The following COL27A1 variants were observed in gnomAD, a reference collection of about 807,000 sequenced individuals.
The protein encoded by COL27A1 is collagen type XXVII alpha 1 chain.
Under a neutral mutation model 251.3 loss-of-function variants are expected in COL27A1, and 106 were observed. The ratio of observed to expected loss-of-function variants is 0.42; its 90% CI spans 0.36 to 0.50. COL27A1 has a LOEUF of 0.50. Among genes scored for constraint, COL27A1 ranks in the 20% least tolerant of loss-of-function variants. COL27A1 has a pLI of 0.00. For missense variants in COL27A1, 2,325 were observed against 2,522.8 expected (o/e 0.92, Z 1.68); for synonymous variants, 1,000 against 986.3 (o/e 1.01, Z -0.26).
chr9:114,279,380 C>G (rs1412330565), intron 37 of COL27A1, among the ~76,000 whole-genome samples: 2 of 152,126 alleles, frequency 1.3e-5, no homozygotes, highest in African/African-American at 4.8e-5. Flanking sequence ...GCACATGGCC[C>G]GTGGTGAGGG....
chr9:114,264,426 C>A lies in COL27A1; in HGVS notation c.3249+18C>A. ...GCCTGAAGGTACCGACCCCTAGGACCTGCCCTTCCTCACTCCTCCGACACT... is the reference window on the plus strand; with the variant it reads ...GCCTGAAGGTACCGACCCCTAGGACATGCCCTTCCTCACTCCTCCGACACT... On this transcript the variant is annotated intron_variant, in intron 29 of 60. Coordinates refer to ENST00000356083, the MANE Select transcript of COL27A1 (RefSeq NM_032888.4). 1.3e-6 allele frequency: 2 copies of A among 1,541,398 alleles called. No homozygotes were observed. Among genetic ancestry groups the A allele is most frequent in the African/African-American group, 1.4e-5 (1 of 73,232 alleles).
Position 114,310,763 on chromosome 9 carries a change from G to A in COL27A1, c.*68G>A. On this transcript the variant is annotated 3_prime_UTR_variant, in exon 61 of 61. Coordinates refer to ENST00000356083, the MANE Select transcript of COL27A1 (RefSeq NM_032888.4). ...GAGGAAGAGGCAAGGGGAGGGTACT[G>A]AGGGGCAGATGGCTCCAGGAGAGGC... The A allele has an allele frequency of 2.6e-6, 4 of 1,566,948 alleles. No homozygotes were observed. The East Asian group carries it at 6.8e-5, about 27-fold the overall frequency.
chr9:114,275,633 T>TC, intron 36 of COL27A1, 28 bp from the exon 37 acceptor site: 1 of 1,450,912 alleles, frequency 6.9e-7, no homozygotes, highest in Non-Finnish European at 9.4e-7. Context: ...TCTCTCTCTC[T>TC]CTCCCCTCTT....
chr9:114,192,048 T>C (rs1336087083), intron 5 of COL27A1, among the ~76,000 whole-genome samples: 1 of 152,186 alleles, frequency 6.6e-6, no homozygotes, highest in Non-Finnish European at 1.5e-5. Flanking sequence ...TCTGTACTTG[T>C]AGGTATCATA....
chr9:114,208,409 A>G (rs1830122587), intron 10 of COL27A1, among the ~76,000 whole-genome samples: 1 of 152,148 alleles, frequency 6.6e-6, no homozygotes, highest in African/African-American at 2.4e-5. Flanking sequence ...CGATCGCACC[A>G]CTGCACTCCA....
intron 1 of COL27A1, 114 bp downstream of exon 1, chr9:114,156,126 C>T (rs1588533849): frequency 7.9e-7 from 1 of 1,270,190 alleles, no homozygotes; most frequent in East Asian, 2.9e-5. Context: ...CTTCCTGCCC[C>T]TTCCTGCGCC....
intron 41 of COL27A1, 121 bp downstream of exon 41, chr9:114,284,898 C>A: frequency 2.8e-6 from 3 of 1,065,110 alleles, no homozygotes; most frequent in Non-Finnish European, 4.3e-6. Flanking sequence ...GGGGGCTCAC[C>A]CCCTGCAGCA....
chr9:114,159,899 T>C (rs1848373941), intron 1 of COL27A1, among the ~76,000 whole-genome samples: 1 of 152,238 alleles, frequency 6.6e-6, no homozygotes, highest in African/African-American at 2.4e-5. Context: ...TATTGCCATT[T>C]GCTTCAAGTA....
rs777481360 is a variant in COL27A1 at position 114,301,672 on chromosome 9, G to T, written c.4810-10G>T. 5.0e-6 allele frequency: 8 copies of T among 1,605,984 alleles called. No individual in the cohort carries two copies. The highest frequency in any genetic ancestry group is 1.9e-4 in the Middle Eastern group (1 of 5,266). Reference sequence around the variant, plus strand: ...GACCAGGGCTCACTCTTCTTCTCTTGTTCCCCCAGGGTCCTCCCGGCCCCA... The same window carrying T: ...GACCAGGGCTCACTCTTCTTCTCTTTTTCCCCCAGGGTCCTCCCGGCCCCA... On this transcript the variant is annotated splice_polypyrimidine_tract_variant and intron_variant, in intron 54 of 60. Transcript: ENST00000356083.
intron 12 of COL27A1, among the ~76,000 whole-genome samples, chr9:114,212,722 T>C (rs1830446280): frequency 6.6e-6 from 1 of 151,278 alleles, no homozygotes. Context: ...TTCCGAGAAA[T>C]GGGGACAATA....
chr9:114,259,971 C>G (rs1462018176), intron 28 of COL27A1, among the ~76,000 whole-genome samples: 2 of 148,918 alleles, frequency 1.3e-5, no homozygotes, highest in African/African-American at 5.0e-5. Context: ...CAGCAGGGTC[C>G]CTCCGGTGCC....
intron 57 of COL27A1, 92 bp downstream of exon 57, chr9:114,304,765 C>T (rs1340125154): frequency 1.3e-5 from 14 of 1,099,354 alleles, no homozygotes; most frequent in Non-Finnish European, 1.9e-5. Context: ...TTCCATGTGG[C>T]CTGCATGGAG....
At chr9:114,205,282 G>T in intron 8 of COL27A1, 136 bp downstream of exon 8, 1 of 741,244 alleles carries the variant, frequency 1.3e-6, no homozygotes. Flanking sequence ...CCCTGCTGGA[G>T]CCCCCAGCCC....
At chr9:114,288,421 G>T (rs779860305) in intron 41 of COL27A1, 34 bp from the exon 42 acceptor site, 1 of 1,604,006 alleles carries the variant, frequency 6.2e-7, no homozygotes, top group South Asian at 1.1e-5. Flanking sequence ...CCAGGAGCAG[G>T]CGGTTTGCCC....
chr9:114,291,451 G>A (rs1182598438), intron 48 of COL27A1, among the ~76,000 whole-genome samples: 1 of 152,128 alleles, frequency 6.6e-6, no homozygotes, highest in African/African-American at 2.4e-5. Context: ...ATGTGAATGA[G>A]AATAGAAGGG....
chr9:114,276,176 C>T (rs1766060), intron 37 of COL27A1, among the ~76,000 whole-genome samples: 20,860 of 152,266 alleles, frequency 0.14, 1,799 homozygotes, highest in African/African-American at 0.23. Context: ...TCAGGTATCA[C>T]CATAGACATC....
intron 16 of COL27A1, 41 bp downstream of exon 16, chr9:114,231,907 A>G: frequency 1.9e-6 from 3 of 1,597,934 alleles, no homozygotes; most frequent in Non-Finnish European, 2.6e-6. Flanking sequence ...GTTTCTCTGC[A>G]TGCCACCCCC....
intron 6 of COL27A1, among the ~76,000 whole-genome samples, chr9:114,194,731 G>A (rs1188192494): frequency 6.6e-6 from 1 of 152,214 alleles, no homozygotes; most frequent in African/African-American, 2.4e-5. Context: ...CACACGCTTG[G>A]TGAATGTCCT....
intron 12 of COL27A1, among the ~76,000 whole-genome samples, chr9:114,215,350 A>G (rs1270594320): frequency 2.0e-5 from 3 of 152,198 alleles, no homozygotes; most frequent in Non-Finnish European, 4.4e-5. Flanking sequence ...AAAGCAGATT[A>G]AGGTTCTCAG....
Sources: allele counts gnomAD v4.1 joint callset (sites outside exome capture counted in the v4.1 genomes callset), GRCh38; gene constraint gnomAD v4.1.1; transcripts MANE v1.5; gene names NCBI Gene and HGNC (gene_info 2026-07-23, HGNC 2026-07-21).